The following MICALL2 variants were observed in gnomAD, a reference collection of about 807,000 sequenced individuals.
The protein encoded by MICALL2 is MICAL like 2.
In MICALL2, 111 loss-of-function variants were observed where a neutral mutation model predicts 91.1. That is an observed-to-expected ratio of 1.22 (90% CI 1.04 to 1.43). MICALL2 has a LOEUF of 1.43. Among genes scored for constraint, MICALL2 ranks in the 40% most tolerant of loss-of-function variants. The pLI, the probability that MICALL2 is intolerant of heterozygous loss-of-function variation, is 0.00. For missense variants in MICALL2, 1,556 were observed against 1,236.0 expected, an observed-to-expected ratio of 1.26 and a Z score of -3.88; for synonymous variants, 694 against 525.3, an observed-to-expected ratio of 1.32 and a Z score of -4.39.
At chr7:1,448,579 G>T (rs372709682) in intron 3 of MICALL2, 41 bp downstream of exon 3, 2 of 1,609,800 alleles carry the variant, frequency 1.2e-6, no homozygotes, top group South Asian at 2.2e-5. Context: ...AGGATGGGGG[G>T]CCTGGTCCTG....
At chr7:1,440,325 C>T (rs370030797) in intron 8 of MICALL2, 48 of 626,844 alleles carry the variant, frequency 7.7e-5, no homozygotes, top group African/African-American at 7.5e-4. Context: ...ACGGGACCCA[C>T]ACATGGGGAG....
At chr7:1,441,064 A>G (rs1780256355) in intron 7 of MICALL2, 1 of 263,944 alleles carries the variant, frequency 3.8e-6, no homozygotes, top group African/African-American at 2.2e-5. Flanking sequence ...TGCAGGATCC[A>G]GCGCGTGGCT....
chr7:1,455,235 C>T (rs747933662), intron 1 of MICALL2, among the ~76,000 whole-genome samples: 7 of 152,228 alleles, frequency 4.6e-5, no homozygotes, highest in Non-Finnish European at 1.0e-4. Flanking sequence ...GGAGCCAGCC[C>T]ATGGCAGAGC....
chr7:1,453,383 C>T (rs1183444074), intron 1 of MICALL2, among the ~76,000 whole-genome samples: 2 of 152,136 alleles, frequency 1.3e-5, no homozygotes, highest in Non-Finnish European at 2.9e-5. Flanking sequence ...AGGGCGAAGA[C>T]GGCCACCCCA....
At chr7:1,459,103 C>T in intron 1 of MICALL2, 81 bp downstream of exon 1, 1 of 1,437,570 alleles carries the variant, frequency 7.0e-7, no homozygotes, top group Non-Finnish European at 9.4e-7. Context: ...CATCCCCCAG[C>T]CGCCCGGGCC....
Position 1,447,248 on chromosome 7 carries a change from A to C in MICALL2, c.525+327T>G, listed in dbSNP as rs1780640616. Among the ~76,000 whole-genome samples, 3 of 151,954 alleles carry C rather than the reference A, an allele frequency of 2.0e-5. No homozygotes were observed. In the South Asian group the frequency reaches 6.2e-4, roughly 31 times the overall value. Reference sequence around the variant, plus strand: ...CTGAGAAGTGGGGGTGCCTGGGTTCACTCTGCAGAGCCGGCCTTGGGTACA... The same window carrying C: ...CTGAGAAGTGGGGGTGCCTGGGTTCCCTCTGCAGAGCCGGCCTTGGGTACA... On this transcript the variant is annotated intron_variant, in intron 4 of 16. Coordinates refer to ENST00000297508, the MANE Select transcript of MICALL2 (RefSeq NM_182924.4).
rs928780181 is a variant in MICALL2, at chr7:1,440,826, T to C, written c.1712-142A>G. ...CCCACAGCCAGCCGGCCGGGGGGCATCAGGAGCACCGGGCAGGGAGTCAGG... is the reference window on the plus strand; with the variant it reads ...CCCACAGCCAGCCGGCCGGGGGGCACCAGGAGCACCGGGCAGGGAGTCAGG... On this transcript the variant is annotated intron_variant, in intron 7 of 16. Coordinates refer to ENST00000297508, the MANE Select transcript of MICALL2 (RefSeq NM_182924.4). 10 of 674,454 alleles carry C rather than the reference T, an allele frequency of 1.5e-5. No individual in the cohort carries two copies. The African/African-American group carries it at 1.8e-4, about 12-fold the overall frequency. 41.8% of individuals were successfully genotyped at this position (674,454 alleles called of 1,614,324 possible).
chr7:1,450,185 TG>T, intron 2 of MICALL2, 54 bp downstream of exon 2: 1 of 1,465,952 alleles, frequency 6.8e-7, no homozygotes, highest in Non-Finnish European at 9.5e-7. Context: ...CGGACGTGGG[TG>T]GGGCTCAGCA....
chr7:1,436,639 G>A lies in MICALL2; in HGVS notation c.2591+103C>T, dbSNP rs138106465. On this transcript the variant is annotated intron_variant, in intron 15 of 16. Transcript: ENST00000297508. ...GTACCAGTCAGCATAGACAATAACCGCCTGGTCAGAAAGTTCTACGGGGCT... is the reference window on the plus strand; with the variant it reads ...GTACCAGTCAGCATAGACAATAACCACCTGGTCAGAAAGTTCTACGGGGCT... 106 of 720,150 alleles carry A rather than the reference G, an allele frequency of 1.5e-4. 2 individuals are homozygous for A. The East Asian group carries it at 1.5e-3, about 10-fold the overall frequency. 44.6% of individuals were successfully genotyped at this position (720,150 alleles called of 1,614,324 possible). A position where few individuals can be genotyped will look rare whatever the true frequency, so the allele number is the denominator to read the frequency against.
At position 1,445,014 on chromosome 7, in the gene MICALL2, G is replaced by A. The variant is rs1055657737; in HGVS notation, c.1056C>T (p.Ala352=). The change falls in exon 6 of 17, where the codon GCC becomes GCT. Residue 352 remains alanine (A), a synonymous_variant. Coordinates refer to ENST00000297508, the MANE Select transcript of MICALL2 (RefSeq NM_182924.4). ...GGGAGGCAGCCGCTGCTGTGCACGG[G>A]GCAGCTGACGACCAGCCCATCGGGG... ...NSSPMGWSSA[A]PCTAAAASHP... The A allele has an allele frequency of 4.6e-6, 7 of 1,522,460 alleles. No homozygotes were observed. Among genetic ancestry groups the A allele is most frequent in the Non-Finnish European group, 6.2e-6 (7 of 1,133,292 alleles). The allele number at this position is 1,522,460 out of a possible 1,614,324, so 94.3% of individuals were successfully genotyped here. A position where few individuals can be genotyped will look rare whatever the true frequency, so the allele number is the denominator to read the frequency against.
At chr7:1,442,598 C>A in intron 6 of MICALL2, 114 bp from the exon 7 acceptor site, 4 of 1,064,668 alleles carry the variant, frequency 3.8e-6, no homozygotes, top group Non-Finnish European at 5.3e-6. Flanking sequence ...AGCCTCCGGA[C>A]GGACTCCCAC....
At chr7:1,453,121 G>A (rs1780895493) in intron 1 of MICALL2, among the ~76,000 whole-genome samples, 1 of 152,004 alleles carries the variant, frequency 6.6e-6, no homozygotes, top group African/African-American at 2.4e-5. Flanking sequence ...ATCGCCAGGT[G>A]GAGACCCCAC....
chr7:1,441,470 T>C (rs1482244073), intron 7 of MICALL2: 1 of 152,972 alleles, frequency 6.5e-6, no homozygotes, highest in African/African-American at 2.4e-5. Flanking sequence ...GCCAGTTGCC[T>C]AGAAGAAAGC....
chr7:1,438,994 G>A lies in MICALL2; in HGVS notation c.1968C>T (p.Ala656=). ...RPASPGPSLP[A]RSPSPPRRRR... The stretch of plus-strand genomic sequence containing the variant: ...TGCGGCGGGGTGGGGAGGGGGACCT[G>A]GCTGCCCCCAGGTGGGGAGACAGAG... The change falls in exon 10 of 17, where the codon GCC becomes GCT. Residue 656 remains alanine, a splice_region_variant and synonymous_variant. Transcript: ENST00000297508. 6.3e-7 allele frequency: 1 copy of A among 1,591,976 alleles called. No individual in the cohort carries two copies.
At position 1,438,839 on chromosome 7, in the gene MICALL2, C is replaced by G. The variant is rs1469827652; in HGVS notation, c.2122+1G>C. ...ACAGCAGCGGTGTCTCTGGGGCTGA[C>G]CTGGTTTGCCCTGAAGGTGAGGTTT... On this transcript the variant is annotated splice_donor_variant, in intron 10 of 16. Transcript: ENST00000297508. LOFTEE classifies it high-confidence loss of function. 1.9e-6 allele frequency: 3 copies of G among 1,600,586 alleles called. No individual in the cohort carries two copies. The highest frequency in any genetic ancestry group is 2.2e-5 in the South Asian group (2 of 90,808).
rs953289930 is a variant in MICALL2 at position 1,446,963 on chromosome 7, G to C, written c.526-135C>G. 3 of 656,592 alleles carry C rather than the reference G, an allele frequency of 4.6e-6. No individual in the cohort carries two copies. In the African/African-American group the frequency reaches 5.5e-5, roughly 12 times the overall value. 40.7% of individuals were successfully genotyped at this position (656,592 alleles called of 1,614,324 possible). On this transcript the variant is annotated intron_variant, in intron 4 of 16. Transcript: ENST00000297508. ...GGAGAGGAGCCGCCAGCAGGGCTGC[G>C]GTCGGGGTCACACCCAGGTGGGTGG...
At chr7:1,457,844 C>T (rs979756513) in intron 1 of MICALL2, among the ~76,000 whole-genome samples, 2 of 152,268 alleles carry the variant, frequency 1.3e-5, no homozygotes, top group African/African-American at 4.8e-5. Flanking sequence ...CCAGCCTCAT[C>T]CAGGACCCTG....
chr7:1,453,111 A>G (rs555979102), intron 1 of MICALL2, among the ~76,000 whole-genome samples: 132 of 151,510 alleles, frequency 8.7e-4, no homozygotes, highest in Middle Eastern at 3.4e-3. Context: ...CCCCACCAAC[A>G]TCGCCAGGTG....
intron 14 of MICALL2, chr7:1,437,273 TCAC>T: frequency 1.9e-6 from 1 of 521,686 alleles, no homozygotes; most frequent in Non-Finnish European, 3.3e-6. Context: ...CGTTTAATCC[TCAC>T]AACAGCTGCG....
Sources: gnomAD v4.1 joint callset for allele counts (sites outside exome capture counted in the v4.1 genomes callset) on GRCh38, gnomAD v4.1.1 for gene constraint, MANE v1.5 for transcripts, NCBI Gene and HGNC (gene_info 2026-07-23, HGNC 2026-07-21) for gene names.